CNTLN: variants seen among roughly 807,000 people sequenced by gnomAD.
The protein encoded by CNTLN is centlein, centrosomal protein.
In CNTLN, 212 loss-of-function variants were observed where a neutral mutation model predicts 180.0. That is an observed-to-expected ratio of 1.18 (90% CI 1.05 to 1.32). CNTLN has a LOEUF of 1.32. Ranked by LOEUF, CNTLN falls within the 40% of genes most tolerant of loss-of-function variation. The probability of loss-of-function intolerance (pLI) is 0.00; values close to 1 mark genes in which losing one functional copy is unlikely to be tolerated. For synonymous variants in CNTLN, 722 were observed against 563.1 expected (o/e 1.28, Z -3.99); for missense variants, 2,095 against 1,610.9 (o/e 1.30, Z -5.14).
chr9:17,448,978 C>T (rs1456294648), intron 18 of CNTLN, among the ~76,000 whole-genome samples: 1 of 152,158 alleles, frequency 6.6e-6, no homozygotes, highest in African/African-American at 2.4e-5. Flanking sequence ...AATAGCGCTA[C>T]CATCCTCTTT....
At position 17,294,687 on chromosome 9, in the gene CNTLN, C is replaced by G. The variant is rs994267768; in HGVS notation, c.984-3503C>G. 4.8e-5 allele frequency among the ~76,000 whole-genome samples: 7 copies of G among 146,718 alleles called. No individual in the cohort carries two copies. The East Asian group carries it at 1.4e-3, about 30-fold the overall frequency. ...AGTCCCGTGCCCTCCACCAGCACTC[C>G]TCAGCCCTTGGATGGGACTGGCTGC... On this transcript the variant is annotated intron_variant, in intron 6 of 25. Coordinates refer to ENST00000380647, the MANE Select transcript of CNTLN (RefSeq NM_017738.4).
intron 5 of CNTLN, among the ~76,000 whole-genome samples, chr9:17,252,290 G>C (rs1826191181): frequency 1.3e-5 from 2 of 151,620 alleles, no homozygotes; most frequent in African/African-American, 4.8e-5. Flanking sequence ...TGGTAGGTCT[G>C]TTTGTTTTTT....
intron 15 of CNTLN, 27 bp downstream of exon 15, chr9:17,395,096 T>C: frequency 6.3e-7 from 1 of 1,577,578 alleles, no homozygotes; most frequent in Non-Finnish European, 8.6e-7. Flanking sequence ...CTTAGCTCTG[T>C]GGTGGGGACA....
intron 2 of CNTLN, among the ~76,000 whole-genome samples, chr9:17,210,405 A>C (rs2131957255): frequency 6.6e-6 from 1 of 152,122 alleles, no homozygotes; most frequent in South Asian, 2.1e-4. Context: ...ATCCTTTTTT[A>C]TGGCTGCATA....
At chr9:17,304,897 G>A (rs1020541388) in intron 7 of CNTLN, among the ~76,000 whole-genome samples, 2 of 152,024 alleles carry the variant, frequency 1.3e-5, no homozygotes, top group African/African-American at 2.4e-5. Context: ...CAAGGGACTT[G>A]TGCATTTGCA....
chr9:17,246,754 A>T (rs1825817560), intron 5 of CNTLN, among the ~76,000 whole-genome samples: 1 of 152,130 alleles, frequency 6.6e-6, no homozygotes, highest in Non-Finnish European at 1.5e-5. Context: ...ACCAAGCATC[A>T]ATACAAAGTC....
At chr9:17,486,129 T>A (rs1209225242) in intron 24 of CNTLN, among the ~76,000 whole-genome samples, 1 of 152,134 alleles carries the variant, frequency 6.6e-6, no homozygotes, top group Non-Finnish European at 1.5e-5. Context: ...AGACCAGAGC[T>A]TATTTAGACT....
At chr9:17,155,721 G>A (rs1051473056) in intron 2 of CNTLN, among the ~76,000 whole-genome samples, 1 of 152,060 alleles carries the variant, frequency 6.6e-6, no homozygotes, top group African/African-American at 2.4e-5. Flanking sequence ...GGGACCTGCT[G>A]AGCCAGACCA....
intron 5 of CNTLN, among the ~76,000 whole-genome samples, chr9:17,236,912 C>G (rs1287607345): frequency 1.3e-5 from 2 of 152,082 alleles, no homozygotes; most frequent in Non-Finnish European, 2.9e-5. Context: ...ACAAAGATAG[C>G]TATAATTTGT....
chr9:17,342,435 T>C lies in CNTLN; in HGVS notation c.1877T>C (p.Met626Thr), dbSNP rs569255898. The change falls in exon 12 of 26, where the codon ATG becomes ACG. Residue 626 changes from methionine (M) to threonine (T), a missense_variant. Physicochemically the swap from Met to Thr is moderately conservative, Grantham distance 81 (BLOSUM62 -1). Transcript: ENST00000380647. ...AYFKRENQELMIQKMNLEEEL... is the reference protein window; with the variant it reads ...AYFKRENQELTIQKMNLEEEL... Reference sequence around the variant, plus strand: ...TTCAAAAGGGAAAACCAGGAGCTAATGATTCAAAAGTGAGTTTCATTTTTA... The same window carrying C: ...TTCAAAAGGGAAAACCAGGAGCTAACGATTCAAAAGTGAGTTTCATTTTTA... The C allele has an allele frequency of 6.2e-7, 1 of 1,600,370 alleles. No individual in the cohort carries two copies. Among genetic ancestry groups the C allele is most frequent in the African/African-American group, 1.3e-5 (1 of 74,390 alleles).
intron 23 of CNTLN, among the ~76,000 whole-genome samples, chr9:17,468,164 T>C (rs889296900): frequency 6.6e-5 from 10 of 151,596 alleles, no homozygotes; most frequent in African/African-American, 2.4e-4. Context: ...CCACATGTTC[T>C]CACTTATAAG....
chr9:17,362,454 G>A (rs1173602337), intron 12 of CNTLN, among the ~76,000 whole-genome samples: 5 of 152,032 alleles, frequency 3.3e-5, no homozygotes, highest in African/African-American at 1.2e-4. Flanking sequence ...TGTGTGAATT[G>A]ATGTTTATAA....
chr9:17,247,732 G>T (rs1312253326), intron 5 of CNTLN, among the ~76,000 whole-genome samples: 1 of 148,236 alleles, frequency 6.7e-6, no homozygotes, highest in Admixed American at 6.7e-5. Context: ...CTCTCACCAG[G>T]TGTTTTTCAT....
chr9:17,394,443 A>G, intron 14 of CNTLN, 91 bp from the exon 15 acceptor site: 1 of 999,726 alleles, frequency 1.0e-6, no homozygotes. Context: ...CTTGTGCTAA[A>G]TGTGATTTTT....
At chr9:17,514,022 A>T in the CNTLN span, among the ~76,000 whole-genome samples, 3 of 152,098 alleles carry the variant, frequency 2.0e-5, no homozygotes, top group Non-Finnish European at 4.4e-5. Flanking sequence ...AGTGGTAGAA[A>T]GTCAGCCAGG....
At chr9:17,461,312 A>C (rs151304013) in intron 19 of CNTLN, among the ~76,000 whole-genome samples, 9 of 151,782 alleles carry the variant, frequency 5.9e-5, no homozygotes, top group African/African-American at 2.2e-4. Flanking sequence ...CAATTATTTG[A>C]TAAATTGACT....
chr9:17,373,414 G>A (rs933628024), intron 13 of CNTLN, among the ~76,000 whole-genome samples: 4 of 151,970 alleles, frequency 2.6e-5, no homozygotes, highest in African/African-American at 9.7e-5. Flanking sequence ...GGATTTAACC[G>A]GAGAAGTGAA....
chr9:17,316,781 T>C (rs1365129134), intron 8 of CNTLN, among the ~76,000 whole-genome samples: 1 of 152,148 alleles, frequency 6.6e-6, no homozygotes, highest in Non-Finnish European at 1.5e-5. Flanking sequence ...CCCTTTGTTT[T>C]TCTTTTACTA....
intron 2 of CNTLN, among the ~76,000 whole-genome samples, chr9:17,210,350 G>A (rs1823209538): frequency 1.3e-5 from 2 of 152,180 alleles, no homozygotes; most frequent in Non-Finnish European, 2.9e-5. Context: ...TGCTGAGAAT[G>A]ATGGTTTCCA....
Sources: allele counts gnomAD v4.1 joint callset (sites outside exome capture counted in the v4.1 genomes callset), GRCh38; gene constraint gnomAD v4.1.1; transcripts MANE v1.5; gene names NCBI Gene and HGNC (gene_info 2026-07-23, HGNC 2026-07-21).